The following PLPP4 variants were observed in gnomAD, a reference collection of about 807,000 sequenced individuals.
The protein encoded by PLPP4 is diacylglycerol pyrophosphate like 2.
In PLPP4, 20 loss-of-function variants were observed where a neutral mutation model predicts 32.2. The observed-to-expected ratio is 0.62, with a 90% CI of 0.44 to 0.90. The LOEUF is 0.90. PLPP4 is among the 40% of genes least tolerant of loss of function. PLPP4 has a pLI of 0.00. For synonymous variants in PLPP4, 127 were observed against 133.0 expected (o/e 0.95, Z 0.31); for missense variants, 257 against 353.1 (o/e 0.73, Z 2.18).
intron 5 of PLPP4, among the ~76,000 whole-genome samples, chr10:120,528,326 G>A (rs1317332093): frequency 2.0e-5 from 3 of 151,956 alleles, no homozygotes; most frequent in East Asian, 1.9e-4. Flanking sequence ...CGTCCGCCTC[G>A]GCCTCCCAAA....
chr10:120,573,218 A>C (rs1439340997), intron 5 of PLPP4, among the ~76,000 whole-genome samples: 2 of 152,258 alleles, frequency 1.3e-5, no homozygotes, highest in Non-Finnish European at 2.9e-5. Flanking sequence ...TTCAATGCAC[A>C]CACCACTCAC....
intron 5 of PLPP4, among the ~76,000 whole-genome samples, chr10:120,529,766 A>G (rs976924114): frequency 4.9e-4 from 75 of 152,226 alleles, no homozygotes; most frequent in African/African-American, 1.7e-3. Flanking sequence ...TGTAAAAAAG[A>G]AAAAACAAAA....
At chr10:120,522,026 CCT>C (rs1846177262) in intron 5 of PLPP4, among the ~76,000 whole-genome samples, 3 of 152,038 alleles carry the variant, frequency 2.0e-5, no homozygotes, top group African/African-American at 7.3e-5. Flanking sequence ...CAGCTTGTGT[CCT>C]GGGGAGTGCC....
chr10:120,505,936 T>C (rs894193388), intron 2 of PLPP4, among the ~76,000 whole-genome samples: 2 of 152,226 alleles, frequency 1.3e-5, no homozygotes, highest in Admixed American at 6.5e-5. Flanking sequence ...AAAACACAAT[T>C]TGGAGATGAA....
intron 5 of PLPP4, among the ~76,000 whole-genome samples, chr10:120,523,242 C>G (rs1846237749): frequency 6.6e-6 from 1 of 151,852 alleles, no homozygotes; most frequent in East Asian, 1.9e-4. Flanking sequence ...TCAGAGGTTA[C>G]AGTGACCTAA....
chr10:120,560,728 C>A (rs752270607), intron 5 of PLPP4, among the ~76,000 whole-genome samples: 2 of 152,136 alleles, frequency 1.3e-5, no homozygotes, highest in Non-Finnish European at 2.9e-5. Flanking sequence ...GCACTCCAAC[C>A]TGGGTGGCGG....
intron 1 of PLPP4, among the ~76,000 whole-genome samples, chr10:120,475,218 A>G (rs1448611103): frequency 1.3e-5 from 2 of 151,684 alleles, no homozygotes. Context: ...AGGGATTATT[A>G]TATCCATTCC....
intron 5 of PLPP4, among the ~76,000 whole-genome samples, chr10:120,564,687 A>G (rs1848605282): frequency 1.3e-5 from 2 of 151,904 alleles, no homozygotes; most frequent in African/African-American, 2.4e-5. Flanking sequence ...ACTTCCTATT[A>G]TACCTTCTAC....
At chr10:120,462,238 G>C (rs754495997) in intron 1 of PLPP4, among the ~76,000 whole-genome samples, 32 of 149,854 alleles carry the variant, frequency 2.1e-4, no homozygotes, top group Middle Eastern at 3.4e-3. Flanking sequence ...GGGTGGGTGG[G>C]TGTGGGAGTG....
At chr10:120,556,753 G>C (rs1209283564) in intron 5 of PLPP4, among the ~76,000 whole-genome samples, 1 of 152,140 alleles carries the variant, frequency 6.6e-6, no homozygotes, top group East Asian at 1.9e-4. Context: ...AGAGAGTTAA[G>C]TATCTTGCTT....
chr10:120,458,417 C>G (rs574546519), intron 1 of PLPP4, among the ~76,000 whole-genome samples: 1 of 152,272 alleles, frequency 6.6e-6, no homozygotes, highest in African/African-American at 2.4e-5. Flanking sequence ...CCCTCCCGAG[C>G]CAAACAGGAG....
chr10:120,589,195 G>A (rs749367800), intron 6 of PLPP4, 108 bp from the exon 7 acceptor site: 58 of 1,096,602 alleles, frequency 5.3e-5, no homozygotes, highest in Non-Finnish European at 7.7e-5. Flanking sequence ...GGTCCTGTAA[G>A]CAAACCAGGT....
chr10:120,484,620 T>A (rs1844359475), intron 1 of PLPP4, among the ~76,000 whole-genome samples: 1 of 152,244 alleles, frequency 6.6e-6, no homozygotes, highest in African/African-American at 2.4e-5. Flanking sequence ...CATGTCTTAA[T>A]ATGCTGCATT....
At chr10:120,493,115 T>A (rs1844793891) in intron 1 of PLPP4, among the ~76,000 whole-genome samples, 1 of 152,222 alleles carries the variant, frequency 6.6e-6, no homozygotes. Context: ...TCCCCAATCA[T>A]CCTCAGTGTT....
intron 1 of PLPP4, among the ~76,000 whole-genome samples, chr10:120,478,620 C>G (rs1844042181): frequency 6.6e-6 from 1 of 152,178 alleles, no homozygotes; most frequent in Non-Finnish European, 1.5e-5. Flanking sequence ...AAGCCTGCTC[C>G]CATGATAATG....
At chr10:120,540,208 C>G (rs1194086179) in intron 5 of PLPP4, among the ~76,000 whole-genome samples, 2 of 152,104 alleles carry the variant, frequency 1.3e-5, no homozygotes, top group East Asian at 1.9e-4. Flanking sequence ...GCACAGCTGC[C>G]CAGCTCTCCC....
intron 2 of PLPP4, among the ~76,000 whole-genome samples, chr10:120,510,735 G>A (rs1845692416): frequency 6.6e-6 from 1 of 152,148 alleles, no homozygotes; most frequent in Non-Finnish European, 1.5e-5. Flanking sequence ...GGCTTCTGAA[G>A]TTCACCTCTT....
chr10:120,546,190 G>A (rs868525068), intron 5 of PLPP4, among the ~76,000 whole-genome samples: 2 of 152,070 alleles, frequency 1.3e-5, no homozygotes, highest in South Asian at 2.1e-4. Flanking sequence ...CCTTGGGTTC[G>A]TGTGAGTCAA....
intron 1 of PLPP4, among the ~76,000 whole-genome samples, chr10:120,493,295 C>T (rs115622903): frequency 6.6e-6 from 1 of 152,136 alleles, no homozygotes; most frequent in African/African-American, 2.4e-5. Context: ...TGACTTGTTC[C>T]TCTTCCCCTG....
Sources: gnomAD v4.1 joint callset for allele counts (sites outside exome capture counted in the v4.1 genomes callset) on GRCh38, gnomAD v4.1.1 for gene constraint, MANE v1.5 for transcripts, NCBI Gene and HGNC (gene_info 2026-07-23, HGNC 2026-07-21) for gene names.